Variants in SMOC1 observed in about 807,000 individuals in gnomAD.
SMOC1 encodes the protein SPARC-related modular calcium-binding protein 1.
Under a neutral mutation model 56.3 loss-of-function variants are expected in SMOC1, and 22 were observed. The observed-to-expected ratio is 0.39, with a 90% CI of 0.28 to 0.56. SMOC1 has a LOEUF of 0.56. Among genes scored for constraint, SMOC1 ranks in the 20% least tolerant of loss-of-function variants. The pLI is 0.61. For missense variants in SMOC1, 509 were observed against 565.4 expected (o/e 0.90, Z 1.01); for synonymous variants, 193 against 215.0 (o/e 0.90, Z 0.89).
chr14:69,922,942 T>A lies in SMOC1; in HGVS notation c.100-29196T>A, dbSNP rs369466632. Among the ~76,000 whole-genome samples, 9 of 145,768 alleles carry A rather than the reference T, an allele frequency of 6.2e-5. 2 individuals carry two copies. The highest frequency in any genetic ancestry group is 2.7e-4 in the Admixed American group (4 of 14,866). On this transcript the variant is annotated intron_variant, in intron 1 of 11. Coordinates refer to ENST00000361956, the MANE Select transcript of SMOC1 (RefSeq NM_001034852.3). ...CAGGGTCTCAGCCCTCTTTTTTTTG[T>A]TTTTTTTGTTTTTTGTTTTTTAGAT...
chr14:70,021,396 C>T (rs1436068160), intron 10 of SMOC1, among the ~76,000 whole-genome samples: 2 of 152,218 alleles, frequency 1.3e-5, no homozygotes, highest in Non-Finnish European at 2.9e-5. Flanking sequence ...CACCAGAATA[C>T]TGTGTATGCT....
chr14:70,019,537 G>A (rs186715998), intron 10 of SMOC1, among the ~76,000 whole-genome samples: 7 of 152,256 alleles, frequency 4.6e-5, no homozygotes, highest in South Asian at 2.1e-4. Flanking sequence ...CTTTGAATTC[G>A]GCAGTCCTGA....
In SMOC1 at chr14:69,940,187, G is replaced by A. The variant is rs74540243; in HGVS notation, c.100-11951G>A. Among the ~76,000 whole-genome samples, 1,469 of 152,258 alleles carry A rather than the reference G, an allele frequency of 9.6e-3. 23 individuals are homozygous for A. Among genetic ancestry groups the A allele is most frequent in the African/African-American group, 0.034 (1,417 of 41,538 alleles). ...TTCAGTCACTGCCCAGCACCCAGTT[G>A]TATTGAGACCAACCCCAGCCATCTT... On this transcript the variant is annotated intron_variant, in intron 1 of 11. Coordinates refer to ENST00000361956, the MANE Select transcript of SMOC1 (RefSeq NM_001034852.3).
At chr14:69,954,184 G>T (rs1239595035) in intron 3 of SMOC1, among the ~76,000 whole-genome samples, 2 of 151,786 alleles carry the variant, frequency 1.3e-5, no homozygotes, top group African/African-American at 4.8e-5. Flanking sequence ...TTTTTTTGGA[G>T]ACAGGGTCTC....
intron 1 of SMOC1, among the ~76,000 whole-genome samples, chr14:69,897,122 G>A (rs1432963068): frequency 6.6e-6 from 1 of 152,200 alleles, no homozygotes; most frequent in African/African-American, 2.4e-5. Flanking sequence ...TGGAGGGGCA[G>A]TGCCTGGCTT....
At chr14:69,915,274 T>C (rs1429390860) in intron 1 of SMOC1, among the ~76,000 whole-genome samples, 2 of 152,236 alleles carry the variant, frequency 1.3e-5, no homozygotes, top group African/African-American at 4.8e-5. Context: ...AGATAGTTTC[T>C]TCAGGTTACC....
chr14:69,946,409 G>T (rs1301196294), intron 1 of SMOC1, among the ~76,000 whole-genome samples: 5 of 152,144 alleles, frequency 3.3e-5, no homozygotes, highest in African/African-American at 1.2e-4. Flanking sequence ...AAGGAGAATG[G>T]GTAGGAGAGA....
chr14:69,994,782 G>A (rs1884707160), intron 7 of SMOC1, among the ~76,000 whole-genome samples: 1 of 152,108 alleles, frequency 6.6e-6, no homozygotes, highest in Admixed American at 6.5e-5. Flanking sequence ...AAGAATGACT[G>A]GACATAAAGA....
chr14:70,017,804 G>A (rs1033099296), intron 10 of SMOC1, among the ~76,000 whole-genome samples: 10 of 152,288 alleles, frequency 6.6e-5, no homozygotes, highest in African/African-American at 1.2e-4. Context: ...GTATAAAGTC[G>A]GTAGGATAAT....
At chr14:69,943,422 T>C (rs909606845) in intron 1 of SMOC1, among the ~76,000 whole-genome samples, 1 of 152,020 alleles carries the variant, frequency 6.6e-6, no homozygotes, top group Non-Finnish European at 1.5e-5. Flanking sequence ...CTGGCAGATA[T>C]AGGGATGTGG....
intron 5 of SMOC1, among the ~76,000 whole-genome samples, chr14:69,987,862 C>T (rs1247126588): frequency 6.6e-6 from 1 of 152,226 alleles, no homozygotes; most frequent in Non-Finnish European, 1.5e-5. Context: ...CACAAACCCA[C>T]TGTCTGTATA....
chr14:69,973,950 C>A (rs934745014), intron 3 of SMOC1, among the ~76,000 whole-genome samples: 1 of 152,182 alleles, frequency 6.6e-6, no homozygotes, highest in African/African-American at 2.4e-5. Context: ...TTTCTTCACA[C>A]CTTAATATCT....
chr14:69,961,310 A>ATG (rs1883370269), intron 3 of SMOC1, among the ~76,000 whole-genome samples: 1 of 127,182 alleles, frequency 7.9e-6, no homozygotes, highest in Admixed American at 8.4e-5. Flanking sequence ...ATATATATAT[A>ATG]TATATATATC....
chr14:70,010,073 C>T (rs867216881), intron 7 of SMOC1, among the ~76,000 whole-genome samples: 16 of 152,324 alleles, frequency 1.1e-4, no homozygotes, highest in South Asian at 2.1e-4. Flanking sequence ...CAGACATGCT[C>T]ATGTGTTACT....
At chr14:69,946,554 A>G (rs2139426666) in intron 1 of SMOC1, among the ~76,000 whole-genome samples, 1 of 152,344 alleles carries the variant, frequency 6.6e-6, no homozygotes, top group Non-Finnish European at 1.5e-5. Flanking sequence ...AGATTTCTGT[A>G]AAACTGCTAT....
At position 70,008,117 on chromosome 14, in the gene SMOC1, ATTATT is replaced by A. The variant is rs149782299; in HGVS notation, c.665-2611_665-2607del. Reference sequence around the variant, plus strand: ...CAAATTAGTGAGCTTTATCATTTTTATTATTTTATTTTATTTTATTTTATTTTATT... The same window carrying A: ...CAAATTAGTGAGCTTTATCATTTTTATTATTTTATTTTATTTTATTTTATT... On this transcript the variant is annotated intron_variant, in intron 7 of 11. Coordinates refer to ENST00000361956, the MANE Select transcript of SMOC1 (RefSeq NM_001034852.3). Among the ~76,000 whole-genome samples the A allele has an allele frequency of 3.4e-3, 511 of 151,104 alleles. 3 individuals carry two copies. The highest frequency in any genetic ancestry group is 0.012 in the African/African-American group (470 of 40,804).
At chr14:69,888,849 C>T (rs1368605449) in intron 1 of SMOC1, among the ~76,000 whole-genome samples, 1 of 152,118 alleles carries the variant, frequency 6.6e-6, no homozygotes, top group Non-Finnish European at 1.5e-5. Context: ...GGGGAGAGGA[C>T]ACATTGTAGA....
chr14:69,970,356 C>A (rs1883714215), intron 3 of SMOC1, among the ~76,000 whole-genome samples: 1 of 152,132 alleles, frequency 6.6e-6, no homozygotes, highest in Non-Finnish European at 1.5e-5. Flanking sequence ...TGTCTCTGGG[C>A]CTCAGTTTCC....
intron 1 of SMOC1, among the ~76,000 whole-genome samples, chr14:69,938,601 G>T (rs1239218215): frequency 1.3e-5 from 2 of 151,984 alleles, no homozygotes; most frequent in African/African-American, 4.8e-5. Context: ...GCTGTATTGG[G>T]GATGGAGCAG....
Sources: allele counts gnomAD v4.1 joint callset (sites outside exome capture counted in the v4.1 genomes callset), GRCh38; gene constraint gnomAD v4.1.1; transcripts MANE v1.5; gene names NCBI Gene and HGNC (gene_info 2026-07-23, HGNC 2026-07-21).